The following FRMD4B variants were observed in gnomAD, a reference collection of about 807,000 sequenced individuals.
FRMD4B encodes FERM domain-containing protein 4B.
Under a neutral mutation model 141.5 loss-of-function variants are expected in FRMD4B, and 74 were observed. The observed-to-expected ratio is 0.52, with a 90% CI of 0.43 to 0.63. The LOEUF is 0.63. Ranked by LOEUF, FRMD4B falls within the 30% of genes least tolerant of loss-of-function variation. The probability of loss-of-function intolerance (pLI) is 0.00; values close to 1 mark genes in which losing one functional copy is unlikely to be tolerated. For synonymous variants in FRMD4B, 506 were observed against 467.9 expected (o/e 1.08, Z -1.05); for missense variants, 1,366 against 1,253.4 (o/e 1.09, Z -1.36).
At chr3:69,299,074 T>C (rs1228497992) in intron 4 of FRMD4B, among the ~76,000 whole-genome samples, 1 of 152,172 alleles carries the variant, frequency 6.6e-6, no homozygotes, top group African/African-American at 2.4e-5. Context: ...CTGACTATGA[T>C]GGTAGAGATT....
At chr3:69,391,388 T>A (rs966611394) in intron 2 of FRMD4B, among the ~76,000 whole-genome samples, 5 of 147,588 alleles carry the variant, frequency 3.4e-5, no homozygotes, top group Admixed American at 2.7e-4. Flanking sequence ...CCTAATGCTA[T>A]CCCTCTCCCC....
At chr3:69,212,527 GA>G in intron 11 of FRMD4B, among the ~76,000 whole-genome samples, 1 of 152,050 alleles carries the variant, frequency 6.6e-6, no homozygotes, top group African/African-American at 2.4e-5. Flanking sequence ...CCCTTTTCTA[GA>G]CTCTGGAATG....
intron 4 of FRMD4B, among the ~76,000 whole-genome samples, chr3:69,289,363 A>T (rs1700800152): frequency 6.6e-6 from 1 of 152,240 alleles, no homozygotes; most frequent in African/African-American, 2.4e-5. Context: ...GCATTAAAAT[A>T]GACAACAATC....
intron 7 of FRMD4B, among the ~76,000 whole-genome samples, chr3:69,247,833 T>C (rs1179702908): frequency 1.3e-5 from 2 of 152,224 alleles, no homozygotes; most frequent in African/African-American, 4.8e-5. Context: ...GTATTTTTAA[T>C]AGAGACAGGG....
chr3:69,260,467 C>G (rs2093519403), intron 5 of FRMD4B, among the ~76,000 whole-genome samples: 1 of 152,228 alleles, frequency 6.6e-6, no homozygotes, highest in Non-Finnish European at 1.5e-5. Context: ...GCTGGCCCAC[C>G]TGCGTCGCGC....
chr3:69,307,649 T>C (rs1265057387), intron 3 of FRMD4B, among the ~76,000 whole-genome samples: 1 of 152,140 alleles, frequency 6.6e-6, no homozygotes, highest in Admixed American at 6.6e-5. Flanking sequence ...TACTATTTCT[T>C]TTCTTTCCGA....
intron 1 of FRMD4B, among the ~76,000 whole-genome samples, chr3:69,518,948 T>A (rs1559551840): frequency 6.6e-6 from 1 of 152,166 alleles, no homozygotes; most frequent in Admixed American, 6.5e-5. Flanking sequence ...AGAAGCAACA[T>A]CCAGGCAGCT....
At chr3:69,521,130 G>A (rs1156585193) in intron 1 of FRMD4B, among the ~76,000 whole-genome samples, 5 of 152,146 alleles carry the variant, frequency 3.3e-5, no homozygotes, top group Non-Finnish European at 4.4e-5. Context: ...GGACAGTGAG[G>A]AGGGACCCCA....
intron 1 of FRMD4B, among the ~76,000 whole-genome samples, chr3:69,351,476 A>G (rs74488326): frequency 0.015 from 2,344 of 152,314 alleles, 29 homozygotes; most frequent in Non-Finnish European, 0.024. Context: ...GTGATAAGAG[A>G]CAAGACATGT....
At chr3:69,368,712 C>T (rs1170799109) in intron 1 of FRMD4B, among the ~76,000 whole-genome samples, 1 of 152,224 alleles carries the variant, frequency 6.6e-6, no homozygotes, top group Admixed American at 6.5e-5. Flanking sequence ...CTCTGGAGTG[C>T]AGTGGTGCAA....
At chr3:69,205,486 G>C (rs1433522646) in intron 11 of FRMD4B, among the ~76,000 whole-genome samples, 1 of 152,118 alleles carries the variant, frequency 6.6e-6, no homozygotes, top group African/African-American at 2.4e-5. Context: ...TGGGATTATA[G>C]GCATGAGCCA....
At chr3:69,517,326 C>T (rs1244683094) in intron 1 of FRMD4B, among the ~76,000 whole-genome samples, 2 of 151,950 alleles carry the variant, frequency 1.3e-5, no homozygotes, top group African/African-American at 2.4e-5. Flanking sequence ...TGATGGCTCG[C>T]CCAAATACCA....
intron 1 of FRMD4B, among the ~76,000 whole-genome samples, chr3:69,436,506 G>C (rs1276225369): frequency 6.6e-6 from 1 of 152,170 alleles, no homozygotes; most frequent in East Asian, 1.9e-4. Context: ...TTGTAAAATG[G>C]TGCAGCCACT....
chr3:69,510,360 A>G (rs1353257869), intron 1 of FRMD4B, among the ~76,000 whole-genome samples: 2 of 152,130 alleles, frequency 1.3e-5, no homozygotes, highest in African/African-American at 4.8e-5. Flanking sequence ...CTATTAAGCA[A>G]TTTATCTTAT....
At chr3:69,259,347 C>T (rs1005788135) in intron 5 of FRMD4B, among the ~76,000 whole-genome samples, 3 of 152,192 alleles carry the variant, frequency 2.0e-5, no homozygotes, top group African/African-American at 4.8e-5. Flanking sequence ...CTCGTTCACC[C>T]ACCCGCTGCT....
chr3:69,495,317 A>G (rs1011879182), intron 1 of FRMD4B, among the ~76,000 whole-genome samples: 1 of 152,222 alleles, frequency 6.6e-6, no homozygotes, highest in Non-Finnish European at 1.5e-5. Flanking sequence ...AGTTACTGCT[A>G]TTACTTACAT....
At chr3:69,317,245 G>C (rs570003486) in intron 1 of FRMD4B, among the ~76,000 whole-genome samples, 203 of 152,286 alleles carry the variant, frequency 1.3e-3, no homozygotes, top group Non-Finnish European at 2.3e-3. Flanking sequence ...TTGGTGGCTA[G>C]GTTTTACTTG....
rs537613388 is a variant in FRMD4B at position 69,452,812 on chromosome 3, G to A, written c.-128-20051C>T. Among the ~76,000 whole-genome samples the A allele has an allele frequency of 1.0e-3, 152 of 152,328 alleles. 1 individual carries two copies. The highest frequency in any genetic ancestry group is 3.6e-3 in the African/African-American group (149 of 41,574). On this transcript the variant is annotated intron_variant, in intron 1 of 5. Coordinates refer to the FRMD4B transcript ENST00000459638. ...AACATAACGTGGGTCACAAATGACA[G>A]GCACATGTATAATTTTCAGATTTCT...
chr3:69,531,837 A>G (rs1701013280), intron 1 of FRMD4B, among the ~76,000 whole-genome samples: 1 of 152,244 alleles, frequency 6.6e-6, no homozygotes, highest in Admixed American at 6.5e-5. Context: ...CAGCTGAATC[A>G]TTGCAAAAAC....
Sources: allele counts gnomAD v4.1 joint callset (sites outside exome capture counted in the v4.1 genomes callset), GRCh38; gene constraint gnomAD v4.1.1; transcripts MANE v1.5; gene names NCBI Gene and HGNC (gene_info 2026-07-23, HGNC 2026-07-21).